Variants in BIRC6 observed in about 807,000 individuals in gnomAD.
BIRC6 encodes baculoviral IAP repeat containing 6, also known as dual E2 ubiquitin-conjugating enzyme/E3 ubiquitin-protein ligase BIRC6.
Under a neutral mutation model 503.3 loss-of-function variants are expected in BIRC6, and 98 were observed. The ratio of observed to expected loss-of-function variants is 0.19; its 90% confidence interval spans 0.17 to 0.23. The LOEUF is 0.23. Ranked by LOEUF, BIRC6 falls within the 10% of genes least tolerant of loss-of-function variation. BIRC6 has a pLI of 1.00. For synonymous variants in BIRC6, 2,240 were observed against 2,078.7 expected (o/e 1.08, Z -2.11); for missense variants, 5,360 against 5,806.0 (o/e 0.92, Z 2.50).
Position 32,436,160 on chromosome 2 carries a change from T to C in BIRC6, c.3607T>C (p.Leu1203=). 1 of 1,463,062 alleles carries C rather than the reference T, an allele frequency of 6.8e-7. No homozygotes were observed. The highest frequency in any genetic ancestry group is 1.4e-5 in the African/African-American group (1 of 72,312). The allele number at this position is 1,463,062 out of a possible 1,614,324, so 90.6% of individuals were successfully genotyped here. The change falls in exon 15 of 74, where the codon TTA becomes CTA. Residue 1203 remains leucine, a synonymous_variant. Coordinates refer to ENST00000421745, the MANE Select transcript of BIRC6 (RefSeq NM_016252.4). ...DLSGHAGMLT[L]TSPKLVKGMA... is the part of the protein sequence containing the mutation. The stretch of plus-strand genomic sequence containing the variant: ...ATCAGGGCATGCTGGAATGTTGACG[T>C]TAACAAGCCCCAAACTTGTTAAAGG...
intron 60 of BIRC6, 26 bp downstream of exon 60, chr2:32,529,850 A>G (rs1442962968): frequency 6.9e-7 from 1 of 1,450,202 alleles, no homozygotes; most frequent in South Asian, 1.5e-5. Context: ...TACTTTAAAA[A>G]TTACAGACTG....
chr2:32,380,388 T>C, intron 3 of BIRC6, 98 bp downstream of exon 3: 1 of 1,382,764 alleles, frequency 7.2e-7, no homozygotes, highest in Non-Finnish European at 9.5e-7. Flanking sequence ...AATGTTCTAA[T>C]TCTAGATTTT....
At chr2:32,392,173 T>C (rs2039309962) in intron 5 of BIRC6, 23 bp downstream of exon 5, 1 of 1,493,670 alleles carries the variant, frequency 6.7e-7, no homozygotes, top group African/African-American at 1.4e-5. Flanking sequence ...TATAAAAAAA[T>C]ACTTTTCTCA....
chr2:32,545,785 C>T lies in BIRC6; in HGVS notation c.12735C>T (p.His4245=). 1 of 1,613,902 alleles carries T rather than the reference C, an allele frequency of 6.2e-7. No individual in the cohort carries two copies. The highest frequency in any genetic ancestry group is 8.5e-7 in the Non-Finnish European group (1 of 1,179,846). ...TGGCATTGGAAATTGGAGCCTTACA[C>T]CTCATTCTTGTCTGTCTCTCTGCTT... is the stretch of plus-strand genomic sequence containing the variant. ...RRMALEIGAL[H]LILVCLSALS... Residue 4245 remains histidine (H), a synonymous_variant, in exon 63 of 74, where the codon CAC becomes CAT. Coordinates refer to ENST00000421745, the MANE Select transcript of BIRC6 (RefSeq NM_016252.4).
In BIRC6 at chr2:32,439,746, A is replaced by G. The variant is rs369603789; in HGVS notation, c.3810+60A>G. ...GTTTTAAACATTGTGGATCAGATTT[A>G]ACACACTATTAGAAGTAGTATGACC... On this transcript the variant is annotated intron_variant, in intron 16 of 73. Coordinates refer to ENST00000421745, the MANE Select transcript of BIRC6 (RefSeq NM_016252.4). 416 of 1,470,824 alleles carry G rather than the reference A, an allele frequency of 2.8e-4. 7 individuals are homozygous for G. In the East Asian group the frequency reaches 7.1e-3, roughly 25 times the overall value. The allele number at this position is 1,470,824 out of a possible 1,614,324, so 91.1% of individuals were successfully genotyped here. A position where few individuals can be genotyped will look rare whatever the true frequency, so the allele number is the denominator to read the frequency against.
intron 61 of BIRC6, among the ~76,000 whole-genome samples, chr2:32,537,437 T>G (rs1010571462): frequency 2.6e-5 from 4 of 152,028 alleles, no homozygotes; most frequent in Admixed American, 2.6e-4. Flanking sequence ...GCAATCAAAC[T>G]AGAACTCAGG....
chr2:32,408,148 A>G (rs893731956), intron 9 of BIRC6, among the ~76,000 whole-genome samples: 3 of 152,032 alleles, frequency 2.0e-5, no homozygotes, highest in African/African-American at 7.2e-5. Context: ...TTGTATCTTT[A>G]GTAGAGATGG....
intron 59 of BIRC6, 108 bp from the exon 60 acceptor site, chr2:32,529,543 G>T: frequency 9.6e-7 from 1 of 1,038,128 alleles, no homozygotes; most frequent in South Asian, 2.4e-5. Flanking sequence ...TTTGAAATTG[G>T]TTTCAGAATC....
Position 32,505,015 on chromosome 2 carries a change from A to G in BIRC6, c.9510A>G (p.Thr3170=), listed in dbSNP as rs1367206672. 3.1e-6 allele frequency: 5 copies of G among 1,613,210 alleles called. No individual in the cohort carries two copies. Among genetic ancestry groups the G allele is most frequent in the East Asian group, 2.2e-5 (1 of 44,860 alleles). The change falls in exon 50 of 74, where the codon ACA becomes ACG. Residue 3170 remains threonine (T), a synonymous_variant. Coordinates refer to ENST00000421745, the MANE Select transcript of BIRC6 (RefSeq NM_016252.4). The part of the protein sequence containing the change: ...IHNFAPLGTI[T]SSSPTAQPAE... Reference sequence around the variant, plus strand: ...AAATATCTTCTCTAGGTACAATCACATCTAGCAGTCCTACTGCCCAACCAG... The same window carrying G: ...AAATATCTTCTCTAGGTACAATCACGTCTAGCAGTCCTACTGCCCAACCAG...
At chr2:32,398,632 C>T (rs913663892) in intron 6 of BIRC6, among the ~76,000 whole-genome samples, 3 of 151,848 alleles carry the variant, frequency 2.0e-5, no homozygotes, top group African/African-American at 7.3e-5. Flanking sequence ...AAATGTATCA[C>T]TTAAATTTAT....
chr2:32,390,584 G>C (rs1390192021), intron 4 of BIRC6, among the ~76,000 whole-genome samples: 3 of 152,182 alleles, frequency 2.0e-5, no homozygotes, highest in African/African-American at 4.8e-5. Context: ...CTAGAGTGCT[G>C]GGATTACAGG....
chr2:32,465,216 C>A, intron 26 of BIRC6, 52 bp downstream of exon 26: 1 of 859,666 alleles, frequency 1.2e-6, no homozygotes, highest in Non-Finnish European at 1.6e-6. Flanking sequence ...CTTAGTCTGC[C>A]GGCCTTTTAA....
chr2:32,519,472 A>G (rs1353246759), intron 57 of BIRC6, among the ~76,000 whole-genome samples: 1 of 152,138 alleles, frequency 6.6e-6, no homozygotes, highest in Non-Finnish European at 1.5e-5. Context: ...TAGTTTTTTA[A>G]AAAGCAGTTT....
intron 61 of BIRC6, among the ~76,000 whole-genome samples, chr2:32,535,477 C>G (rs908955878): frequency 6.6e-6 from 1 of 152,098 alleles, no homozygotes; most frequent in Admixed American, 6.5e-5. Flanking sequence ...CAACAGGCCC[C>G]GGTGTGTGAT....
chr2:32,373,090 C>T (rs958713624), intron 1 of BIRC6, among the ~76,000 whole-genome samples: 1 of 152,298 alleles, frequency 6.6e-6, no homozygotes, highest in South Asian at 2.1e-4. Flanking sequence ...TGTTCTGCAT[C>T]CTTGCCAGAA....
chr2:32,546,409 GTC>G lies in BIRC6; in HGVS notation c.12810+553_12810+554del, dbSNP rs150077970. Among the ~76,000 whole-genome samples the G allele has an allele frequency of 8.5e-3, 1,285 of 151,968 alleles. 8 individuals carry two copies. The highest frequency in any genetic ancestry group is 0.02 in the Middle Eastern group (6 of 294). On this transcript the variant is annotated intron_variant, in intron 63 of 73. Transcript: ENST00000421745. ...AGCCTGGCTAACATGCTGAAACCCTGTCTCTACTAAAAATGCAAAAATTTGCC... is the reference window on the plus strand; with the variant it reads ...AGCCTGGCTAACATGCTGAAACCCTGTCTACTAAAAATGCAAAAATTTGCC...
chr2:32,594,727 G>T (rs931486007), intron 67 of BIRC6, among the ~76,000 whole-genome samples: 2 of 152,208 alleles, frequency 1.3e-5, no homozygotes, highest in Admixed American at 1.3e-4. Context: ...TGGATGGATG[G>T]ATGGACGGAT....
intron 61 of BIRC6, among the ~76,000 whole-genome samples, chr2:32,538,010 A>T (rs1031520011): frequency 2.6e-5 from 4 of 152,194 alleles, no homozygotes; most frequent in Admixed American, 6.5e-5. Context: ...AAAGGCTTTA[A>T]GAGCAACTAG....
intron 67 of BIRC6, 29 bp downstream of exon 67, chr2:32,594,089 T>C (rs777750852): frequency 2.1e-5 from 34 of 1,592,538 alleles, no homozygotes; most frequent in Non-Finnish European, 2.9e-5. Flanking sequence ...TATGCCACTT[T>C]TCATTTGATG....
Sources: gnomAD v4.1 joint callset for allele counts (sites outside exome capture counted in the v4.1 genomes callset) on GRCh38, gnomAD v4.1.1 for gene constraint, MANE v1.5 for transcripts, NCBI Gene and HGNC (gene_info 2026-07-23, HGNC 2026-07-21) for gene names.